The following C9orf85 variants were observed in gnomAD, a reference collection of about 807,000 sequenced individuals.
C9orf85 encodes uncharacterized protein C9orf85.
Under a neutral mutation model 14.9 loss-of-function variants are expected in C9orf85, and 16 were observed. The observed-to-expected ratio is 1.08, with a 90% CI of 0.73 to 1.63. C9orf85 has a LOEUF of 1.63. C9orf85 is among the 40% of genes most tolerant of loss of function. The pLI is 0.00. For missense variants in C9orf85, 172 were observed against 186.1 expected (o/e 0.92, Z 0.44); for synonymous variants, 45 against 56.8 (o/e 0.79, Z 0.93).
chr9:71,980,435 GC>G (rs1257949918), intron 3 of C9orf85, among the ~76,000 whole-genome samples: 1 of 152,118 alleles, frequency 6.6e-6, no homozygotes, highest in Non-Finnish European at 1.5e-5. Context: ...TGGGGAAATT[GC>G]CGTGACCAGC....
At chr9:71,964,951 C>T (rs1464713627) in intron 2 of C9orf85, among the ~76,000 whole-genome samples, 3 of 152,156 alleles carry the variant, frequency 2.0e-5, no homozygotes, top group African/African-American at 4.8e-5. Flanking sequence ...CAGTCAGGAG[C>T]GGCAATGGGC....
intron 1 of C9orf85, among the ~76,000 whole-genome samples, chr9:71,931,367 A>ATGTTTAGTCTGTAACTAAACAG (rs558099512): frequency 2.6e-5 from 4 of 152,322 alleles, no homozygotes; most frequent in Non-Finnish European, 2.9e-5. Flanking sequence ...AGTCTCCAGA[A>ATGTTTAGTCTGTAACTAAACAG]TGTTTAGTCT....
chr9:71,970,609 T>C (rs1175279490), intron 2 of C9orf85, among the ~76,000 whole-genome samples: 2 of 152,200 alleles, frequency 1.3e-5, no homozygotes, highest in South Asian at 4.1e-4. Flanking sequence ...TGTAGGTTTG[T>C]AGTGTGTTTT....
intron 1 of C9orf85, among the ~76,000 whole-genome samples, chr9:71,936,770 C>CTTTTTTT (rs71353543): frequency 1.1e-5 from 1 of 89,180 alleles, no homozygotes; most frequent in African/African-American, 3.9e-5. Context: ...TTTGTTCAAG[C>CTTTTTTT]TTTTTTTTTT....
intron 3 of C9orf85, chr9:71,982,539 G>A: frequency 2.9e-6 from 1 of 349,602 alleles, no homozygotes; most frequent in Non-Finnish European, 5.4e-6. Context: ...GGAGGCTCAA[G>A]ATCCTCGCCA....
At chr9:71,967,801 C>A (rs1275132901) in intron 2 of C9orf85, among the ~76,000 whole-genome samples, 1 of 134,950 alleles carries the variant, frequency 7.4e-6, no homozygotes, top group East Asian at 2.3e-4. Flanking sequence ...AGCAGATATT[C>A]TTGCCCTGTT....
At chr9:71,952,656 C>G (rs190637240) in intron 2 of C9orf85, among the ~76,000 whole-genome samples, 1 of 152,162 alleles carries the variant, frequency 6.6e-6, no homozygotes, top group African/African-American at 2.4e-5. Flanking sequence ...AGCCACCATG[C>G]CTGGCCCAGC....
chr9:71,946,730 G>A (rs974908822), intron 1 of C9orf85, among the ~76,000 whole-genome samples: 15 of 151,334 alleles, frequency 9.9e-5, no homozygotes, highest in African/African-American at 3.6e-4. Flanking sequence ...GGAGGTGGAG[G>A]TTGCAGTGAG....
At chr9:71,939,030 A>C (rs181935105) in intron 1 of C9orf85, among the ~76,000 whole-genome samples, 16 of 151,424 alleles carry the variant, frequency 1.1e-4, no homozygotes, top group African/African-American at 2.7e-4. Flanking sequence ...AAAGTGTAGA[A>C]TCTCTGAGTG....
intron 1 of C9orf85, among the ~76,000 whole-genome samples, chr9:71,930,787 G>C (rs542391943): frequency 7.3e-4 from 93 of 127,084 alleles, no homozygotes; most frequent in African/African-American, 2.8e-3. Context: ...CTGGGTGACA[G>C]AGCAAGACCC....
chr9:71,963,571 G>A lies in C9orf85; in HGVS notation c.210-7934G>A, dbSNP rs532521306. Among the ~76,000 whole-genome samples the A allele has an allele frequency of 7.9e-5, 12 of 152,334 alleles. 1 individual carries two copies. In the South Asian group the frequency reaches 2.5e-3, roughly 32 times the overall value. ...GCGTGAGCGGGAACCCGGGCTGCGCGAGGCGCTTGCGGGCCAGCTGGAGTT... is the reference window on the plus strand; with the variant it reads ...GCGTGAGCGGGAACCCGGGCTGCGCAAGGCGCTTGCGGGCCAGCTGGAGTT... On this transcript the variant is annotated intron_variant, in intron 2 of 3. Transcript: ENST00000334731.
chr9:71,977,617 A>C (rs561387155), downstream of C9orf85, among the ~76,000 whole-genome samples: 2 of 152,306 alleles, frequency 1.3e-5, no homozygotes, highest in Middle Eastern at 6.8e-3. Context: ...CTTTTTTCTT[A>C]AGTGAAATAT....
chr9:71,915,204 CAG>C (rs1277520676), intron 1 of C9orf85, among the ~76,000 whole-genome samples: 12 of 145,588 alleles, frequency 8.2e-5, no homozygotes, highest in African/African-American at 2.6e-5. Context: ...TTTTTTGAGA[CAG>C]AGTCTCGCTC....
rs535811909 is a variant in C9orf85, at chr9:71,950,517, A to G, written c.209+3405A>G. Among the ~76,000 whole-genome samples the G allele has an allele frequency of 5.9e-5, 9 of 152,098 alleles. No individual in the cohort carries two copies. In the South Asian group the frequency reaches 8.3e-4, roughly 14 times the overall value. ...GGAGTAGCTGGGACTACAGGCACAC[A>G]CATGCCACTGTGCCCGGCTAATTTT... On this transcript the variant is annotated intron_variant, in intron 2 of 3. Coordinates refer to ENST00000334731, the MANE Select transcript of C9orf85 (RefSeq NM_182505.5).
At chr9:71,969,028 G>A (rs939615406) in intron 2 of C9orf85, among the ~76,000 whole-genome samples, 1 of 152,192 alleles carries the variant, frequency 6.6e-6, no homozygotes, top group African/African-American at 2.4e-5. Context: ...GGGAACAGAT[G>A]TGAACTACTG....
At chr9:71,912,264 G>C (rs1291442367) in intron 1 of C9orf85, among the ~76,000 whole-genome samples, 1 of 152,108 alleles carries the variant, frequency 6.6e-6, no homozygotes, top group Non-Finnish European at 1.5e-5. Context: ...GAATGATTAA[G>C]CTGTCTTAGG....
chr9:71,981,145 T>TG (rs1823088992), intron 3 of C9orf85, among the ~76,000 whole-genome samples: 1 of 152,198 alleles, frequency 6.6e-6, no homozygotes. Context: ...ATATAAAGTT[T>TG]GCATTGTAGC....
intron 1 of C9orf85, among the ~76,000 whole-genome samples, chr9:71,943,047 A>G (rs899261584): frequency 6.6e-6 from 1 of 152,200 alleles, no homozygotes; most frequent in Admixed American, 6.5e-5. Context: ...AGCAAATTTC[A>G]AAGTACCTAC....
chr9:71,970,386 A>T (rs35728507), intron 2 of C9orf85, among the ~76,000 whole-genome samples: 2,433 of 152,332 alleles, frequency 0.016, 36 homozygotes, highest in Non-Finnish European at 0.024. Flanking sequence ...TTTGGCTGAT[A>T]ACGTTCATAC....
Sources: allele counts gnomAD v4.1 joint callset (sites outside exome capture counted in the v4.1 genomes callset), GRCh38; gene constraint gnomAD v4.1.1; transcripts MANE v1.5; gene names NCBI Gene and HGNC (gene_info 2026-07-23, HGNC 2026-07-21).